The following ZBTB20 variants were observed in gnomAD, a reference collection of about 807,000 sequenced individuals.
ZBTB20 encodes the protein zinc finger and BTB domain containing 20.
In ZBTB20, 9 loss-of-function variants were observed where a neutral mutation model predicts 56.9. The ratio of observed to expected loss-of-function variants is 0.16; its 90% CI spans 0.10 to 0.28. The LOEUF (loss-of-function observed/expected upper bound fraction) is 0.28. ZBTB20 is among the 10% of genes least tolerant of loss of function. The probability of loss-of-function intolerance (pLI) is 1.00; values close to 1 mark genes in which losing one functional copy is unlikely to be tolerated. For synonymous variants in ZBTB20, 417 were observed against 420.7 expected, an observed-to-expected ratio of 0.99 and a Z score of 0.11; for missense variants, 655 against 1,003.0, an observed-to-expected ratio of 0.65 and a Z score of 4.69.
intron 10 of ZBTB20, among the ~76,000 whole-genome samples, chr3:114,376,118 T>C (rs931596974): frequency 1.1e-4 from 16 of 152,228 alleles, no homozygotes; most frequent in African/African-American, 3.9e-4. Flanking sequence ...TTTAATTCTG[T>C]CCGTGTGCAC....
intron 1 of ZBTB20, among the ~76,000 whole-genome samples, chr3:115,092,097 C>T (rs1470634808): frequency 6.6e-6 from 1 of 152,002 alleles, no homozygotes; most frequent in African/African-American, 2.4e-5. Flanking sequence ...TTTTTATATA[C>T]CCTGATAGGA....
chr3:114,363,564 T>C (rs922122691), intron 10 of ZBTB20, among the ~76,000 whole-genome samples: 1 of 152,356 alleles, frequency 6.6e-6, no homozygotes, highest in African/African-American at 2.4e-5. Flanking sequence ...TATTCCTTTA[T>C]GGACCTGTTA....
intron 3 of ZBTB20, among the ~76,000 whole-genome samples, chr3:114,962,992 A>G (rs1025039117): frequency 3.3e-5 from 5 of 152,026 alleles, no homozygotes; most frequent in African/African-American, 1.2e-4. Context: ...GTTTTTTTGT[A>G]GTAATTAGCC....
intron 5 of ZBTB20, among the ~76,000 whole-genome samples, chr3:114,768,162 C>T (rs147602305): frequency 3.9e-4 from 59 of 151,878 alleles, no homozygotes; most frequent in African/African-American, 1.4e-3. Flanking sequence ...CAAAACAAAC[C>T]GAGCAAAAAC....
intron 4 of ZBTB20, among the ~76,000 whole-genome samples, chr3:114,867,875 T>C (rs999664721): frequency 6.6e-5 from 10 of 152,232 alleles, no homozygotes; most frequent in African/African-American, 1.9e-4. Context: ...TTCTAATATA[T>C]GCGAGTTACA....
intron 8 of ZBTB20, among the ~76,000 whole-genome samples, chr3:114,385,199 G>T (rs907082197): frequency 6.6e-6 from 1 of 152,056 alleles, no homozygotes; most frequent in Non-Finnish European, 1.5e-5. Context: ...GACCAGTGAT[G>T]CCTCCCCCAA....
At chr3:114,997,414 T>C (rs1306107938) in intron 2 of ZBTB20, among the ~76,000 whole-genome samples, 2 of 151,944 alleles carry the variant, frequency 1.3e-5, no homozygotes, top group Non-Finnish European at 2.9e-5. Flanking sequence ...AATTTTTAAG[T>C]GTCCATTAGA....
chr3:114,363,671 C>T (rs529342600), intron 10 of ZBTB20, among the ~76,000 whole-genome samples: 15 of 152,286 alleles, frequency 9.8e-5, no homozygotes, highest in African/African-American at 3.6e-4. Context: ...AGAAACTGTA[C>T]ATGAGATAGA....
intron 3 of ZBTB20, among the ~76,000 whole-genome samples, chr3:114,917,439 C>T (rs2075788276): frequency 6.6e-6 from 1 of 152,146 alleles, no homozygotes; most frequent in Non-Finnish European, 1.5e-5. Context: ...TTAATGTCTA[C>T]ACAGTGAAGA....
intron 6 of ZBTB20, among the ~76,000 whole-genome samples, chr3:114,568,521 C>A (rs1300561885): frequency 2.0e-5 from 3 of 152,110 alleles, no homozygotes; most frequent in Non-Finnish European, 2.9e-5. Flanking sequence ...GAGTCTCAGC[C>A]ACATATTCAA....
At chr3:114,777,729 A>G (rs369592555) in intron 5 of ZBTB20, among the ~76,000 whole-genome samples, 1 of 152,084 alleles carries the variant, frequency 6.6e-6, no homozygotes, top group African/African-American at 2.4e-5. Context: ...ATTTGACTCA[A>G]CCATCCCATT....
chr3:114,639,469 G>GT (rs34453811), intron 6 of ZBTB20, among the ~76,000 whole-genome samples: 3,909 of 122,166 alleles, frequency 0.032, 137 homozygotes, highest in African/African-American at 0.1. Context: ...AATTTCATTA[G>GT]TTTTTTTTTT....
chr3:115,088,166 T>C (rs1473597603), intron 1 of ZBTB20, among the ~76,000 whole-genome samples: 2 of 152,042 alleles, frequency 1.3e-5, no homozygotes, highest in East Asian at 1.9e-4. Context: ...ATTTTCCAAT[T>C]CATGCTCTGC....
intron 1 of ZBTB20, among the ~76,000 whole-genome samples, chr3:115,123,244 C>T (rs2084233298): frequency 6.6e-6 from 1 of 152,110 alleles, no homozygotes; most frequent in Non-Finnish European, 1.5e-5. Context: ...TTGTGGGCAC[C>T]TATTTTCATT....
chr3:114,508,644 T>A (rs577630612), intron 6 of ZBTB20, among the ~76,000 whole-genome samples: 1 of 152,120 alleles, frequency 6.6e-6, no homozygotes, highest in East Asian at 1.9e-4. Context: ...TCGAATCTTG[T>A]TAACAAAAAC....
intron 10 of ZBTB20, among the ~76,000 whole-genome samples, chr3:114,361,699 G>T (rs566290766): frequency 6.6e-6 from 1 of 152,302 alleles, no homozygotes; most frequent in South Asian, 2.1e-4. Context: ...TGGAGTTAGA[G>T]AATTGGATAG....
At chr3:114,759,092 T>C (rs2068243864) in intron 5 of ZBTB20, 1 of 152,176 alleles carries the variant, frequency 6.6e-6, no homozygotes, top group Non-Finnish European at 1.5e-5. Context: ...GCATATTCAA[T>C]AATCCGTCCC....
Position 115,116,133 on chromosome 3 carries a change from T to C in ZBTB20, c.-703+31086A>G, listed in dbSNP as rs72945783. Among the ~76,000 whole-genome samples, 901 of 152,138 alleles carry C rather than the reference T, an allele frequency of 5.9e-3. 13 individuals carry two copies. Among genetic ancestry groups the C allele is most frequent in the African/African-American group, 0.021 (872 of 41,558 alleles). On this transcript the variant is annotated intron_variant, in intron 1 of 11. Transcript: ENST00000675478. ...AGTTTTAGTTAAACTAATCTGTCAC[T>C]AATCTGTGACTCCACATAACAAGGC...
chr3:114,814,254 AC>A (rs2072765881), intron 4 of ZBTB20, among the ~76,000 whole-genome samples: 1 of 148,744 alleles, frequency 6.7e-6, no homozygotes, highest in South Asian at 2.1e-4. Flanking sequence ...TATATATTTC[AC>A]TTACTGTCAT....
Sources: gnomAD v4.1 joint callset for allele counts (sites outside exome capture counted in the v4.1 genomes callset) on GRCh38, gnomAD v4.1.1 for gene constraint, MANE v1.5 for transcripts, NCBI Gene and HGNC (gene_info 2026-07-23, HGNC 2026-07-21) for gene names.